The following DDX4 variants were observed in gnomAD, a reference collection of about 807,000 sequenced individuals.
DDX4 encodes the protein probable ATP-dependent RNA helicase DDX4.
In DDX4, 25 loss-of-function variants were observed where a neutral mutation model predicts 100.0. The observed-to-expected ratio is 0.25, with a 90% CI of 0.18 to 0.35. The LOEUF (loss-of-function observed/expected upper bound fraction) is 0.35. Ranked by LOEUF, DDX4 falls within the 10% of genes least tolerant of loss-of-function variation. The pLI is 1.00. For missense variants in DDX4, 635 were observed against 882.4 expected, an observed-to-expected ratio of 0.72 and a Z score of 3.55; for synonymous variants, 259 against 275.7, an observed-to-expected ratio of 0.94 and a Z score of 0.60.
chr5:55,766,998 C>T (rs911667465), intron 6 of DDX4: 6 of 1,526,638 alleles, frequency 3.9e-6, no homozygotes, highest in Non-Finnish European at 4.4e-6. Flanking sequence ...GTATAGTAAT[C>T]TCTCATACTA....
At position 55,816,613 on chromosome 5, in the gene DDX4, GA is replaced by G; in HGVS notation, c.*75del. The G allele has an allele frequency of 6.4e-7, 1 of 1,570,180 alleles. No individual in the cohort carries two copies. The highest frequency in any genetic ancestry group is 8.7e-7 in the Non-Finnish European group (1 of 1,154,916). On this transcript the variant is annotated 3_prime_UTR_variant, in exon 22 of 22. Transcript: ENST00000505374. ...AGTTTTGATTTTTGAGTTTTTAACA[GA>G]AGTATAAAACTTAACATTCTCATAG...
Position 55,779,852 on chromosome 5 carries a change from A to G in DDX4, c.395-112A>G, listed in dbSNP as rs376942109. 171 of 1,425,690 alleles carry G rather than the reference A, an allele frequency of 1.2e-4. No homozygotes were observed. The African/African-American group carries it at 2.2e-3, about 19-fold the overall frequency. The allele number at this position is 1,425,690 out of a possible 1,614,324, so 88.3% of individuals were successfully genotyped here. A position where few individuals can be genotyped will look rare whatever the true frequency, so the allele number is the denominator to read the frequency against. The stretch of plus-strand genomic sequence containing the variant: ...TTCTTTTTGACAACAATGCCTTTAA[A>G]CACTTGTTTAAAGTTACTGAATTAT... On this transcript the variant is annotated intron_variant, in intron 7 of 21. Transcript: ENST00000505374.
chr5:55,766,959 C>G (rs1740962744), intron 6 of DDX4: 1 of 1,524,830 alleles, frequency 6.6e-7, no homozygotes. Flanking sequence ...TTTTAACCAA[C>G]TCTCCAGGTA....
chr5:55,772,163 A>G (rs1465846423), intron 7 of DDX4, among the ~76,000 whole-genome samples: 2 of 152,186 alleles, frequency 1.3e-5, no homozygotes, highest in Admixed American at 6.5e-5. Flanking sequence ...GTGAGCTGAG[A>G]TTGCGCCACT....
chr5:55,786,611 C>T lies in DDX4; in HGVS notation c.958C>T (p.Pro320Ser), dbSNP rs776152217. The T allele has an allele frequency of 2.0e-5, 32 of 1,612,852 alleles. No individual in the cohort carries two copies. Among genetic ancestry groups the T allele is most frequent in the Admixed American group, 8.3e-5 (5 of 60,004 alleles). The change falls in exon 14 of 22, where the codon CCT (proline) becomes TCT (serine). Residue 320 changes from proline (P) to serine (S), a missense_variant. Transcript: ENST00000505374. ...TACTCCTGTGCAAAAATACAGTATT[C>T]CTATCATACTTGCAGGACGAGATTT... ...KLTPVQKYSIPIILAGRDLMA... is the reference protein window; with the variant it reads ...KLTPVQKYSISIILAGRDLMA...
chr5:55,791,390 C>T (rs1201103916), intron 16 of DDX4, among the ~76,000 whole-genome samples: 1 of 152,080 alleles, frequency 6.6e-6, no homozygotes, highest in African/African-American at 2.4e-5. Context: ...TCTTAGTATA[C>T]TTATTAAAAG....
intron 18 of DDX4, among the ~76,000 whole-genome samples, chr5:55,799,765 A>T (rs1430469349): frequency 6.6e-6 from 1 of 152,128 alleles, no homozygotes; most frequent in Admixed American, 6.5e-5. Context: ...TGTTCATTTT[A>T]ATACCTTCTC....
chr5:55,767,071 C>T (rs1740970084), intron 6 of DDX4: 2 of 1,380,340 alleles, frequency 1.4e-6, no homozygotes, highest in African/African-American at 1.5e-5. Flanking sequence ...AGGATATCCC[C>T]AAATTATTTC....
In DDX4 at chr5:55,780,051, G is replaced by A. The variant is rs1225541174; in HGVS notation, c.482G>A (p.Gly161Asp). 1.2e-6 allele frequency: 2 copies of A among 1,613,866 alleles called. No homozygotes were observed. The highest frequency in any genetic ancestry group is 2.2e-5 in the South Asian group (2 of 91,040). ...GSFRGCRGGF[G>D]LGSPNNDLDP... ...TTCCGAGGTTGCCGTGGAGGATTTG[G>A]TCTAGGAAGTCCAAGTTAGTACTGG... The change falls in exon 8 of 22, where the codon GGT becomes GAT. Residue 161 changes from glycine to aspartate, a missense_variant. This residue lies in a region of DDX4 where 446 missense variants were observed against 540.8 expected (regional missense o/e 0.82). Coordinates refer to ENST00000505374, the MANE Select transcript of DDX4 (RefSeq NM_024415.3).
At chr5:55,768,581 G>A (rs1331520883) in intron 7 of DDX4, among the ~76,000 whole-genome samples, 1 of 152,068 alleles carries the variant, frequency 6.6e-6, no homozygotes, top group Non-Finnish European at 1.5e-5. Flanking sequence ...TAGTGCTGTG[G>A]TGAACATATG....
chr5:55,757,585 A>G (rs1402758558), intron 3 of DDX4, among the ~76,000 whole-genome samples: 2 of 152,140 alleles, frequency 1.3e-5, no homozygotes, highest in Non-Finnish European at 2.9e-5. Flanking sequence ...CTTTTCATAT[A>G]ATGACTTCTT....
intron 3 of DDX4, among the ~76,000 whole-genome samples, chr5:55,757,766 G>C (rs967905949): frequency 6.6e-6 from 1 of 151,986 alleles, no homozygotes; most frequent in African/African-American, 2.4e-5. Context: ...ATTACCCACC[G>C]GGCGCGGTGG....
intron 14 of DDX4, 107 bp from the exon 15 acceptor site, chr5:55,787,739 G>C (rs1742330476): frequency 3.3e-6 from 4 of 1,210,110 alleles, no homozygotes; most frequent in Non-Finnish European, 4.4e-6. Context: ...AAATTTACCA[G>C]TAAGATGGAA....
intron 18 of DDX4, among the ~76,000 whole-genome samples, chr5:55,800,610 C>T (rs1743238695): frequency 6.6e-6 from 1 of 152,112 alleles, no homozygotes; most frequent in East Asian, 1.9e-4. Context: ...AGGCATGAGC[C>T]ACTGTGCCCG....
At chr5:55,770,585 A>G (rs530384964) in intron 7 of DDX4, among the ~76,000 whole-genome samples, 1 of 152,350 alleles carries the variant, frequency 6.6e-6, no homozygotes, top group South Asian at 2.1e-4. Flanking sequence ...GTTTGGAACT[A>G]CATAGTAATC....
At chr5:55,756,832 A>G (rs1391508612) in intron 3 of DDX4, among the ~76,000 whole-genome samples, 2 of 152,066 alleles carry the variant, frequency 1.3e-5, no homozygotes, top group Non-Finnish European at 2.9e-5. Flanking sequence ...AAGAGCATCT[A>G]TACTCCATCA....
chr5:55,750,598 CA>C lies in DDX4; in HGVS notation c.127+4379del, dbSNP rs1322411501. ...GATCTTGATAGTATAGATTGTTTGG[CA>C]ATTTCTACATTAACCTCAAATATTT... On this transcript the variant is annotated intron_variant, in intron 3 of 21. Transcript: ENST00000505374. 3.9e-5 allele frequency among the ~76,000 whole-genome samples: 6 copies of C among 152,194 alleles called. No individual in the cohort carries two copies. The South Asian group carries it at 1.2e-3, about 32-fold the overall frequency.
rs377244970 is a variant in DDX4, at chr5:55,785,908, C to T, written c.864+37C>T. The T allele has an allele frequency of 3.8e-4, 563 of 1,474,138 alleles. 2 individuals carry two copies. Among genetic ancestry groups the T allele is most frequent in the Non-Finnish European group, 4.9e-4 (514 of 1,057,412 alleles). 91.3% of individuals were successfully genotyped at this position (1,474,138 alleles called of 1,614,324 possible). A position where few individuals can be genotyped will look rare whatever the true frequency, so the allele number is the denominator to read the frequency against. The stretch of plus-strand genomic sequence containing the variant: ...AATTGTTTCTGTATTAGCTATGTAG[C>T]ACACTTTGCCTTTAAAATACATTAT... On this transcript the variant is annotated intron_variant, in intron 13 of 21. Coordinates refer to ENST00000505374, the MANE Select transcript of DDX4 (RefSeq NM_024415.3).
At chr5:55,768,716 A>T (rs1473942898) in intron 7 of DDX4, among the ~76,000 whole-genome samples, 1 of 152,210 alleles carries the variant, frequency 6.6e-6, no homozygotes, top group African/African-American at 2.4e-5. Flanking sequence ...TGTTTTCCAC[A>T]ATGGCTGAAC....
Sources: allele counts gnomAD v4.1 joint callset (sites outside exome capture counted in the v4.1 genomes callset), GRCh38; gene constraint gnomAD v4.1.1; regional missense constraint gnomAD v4.1.1; transcripts MANE v1.5; gene names NCBI Gene and HGNC (gene_info 2026-07-23, HGNC 2026-07-21).